Variants in APBA2 observed in about 807,000 individuals in gnomAD.
The protein encoded by APBA2 is amyloid-beta A4 precursor protein-binding family A member 2.
In APBA2, 30 loss-of-function variants were observed where a neutral mutation model predicts 75.0. The ratio of observed to expected loss-of-function variants is 0.40; its 90% CI spans 0.30 to 0.54. The LOEUF (loss-of-function observed/expected upper bound fraction) is 0.54, where lower values mean the gene tolerates loss of function less well. APBA2 is among the 20% of genes least tolerant of loss of function. The pLI, the probability that APBA2 is intolerant of heterozygous loss-of-function variation, is 0.49. For missense variants in APBA2, 801 were observed against 1,016.1 expected (o/e 0.79, Z 2.88); for synonymous variants, 444 against 409.6 (o/e 1.08, Z -1.01).
intron 2 of APBA2, among the ~76,000 whole-genome samples, chr15:28,951,881 C>CTTTTTTTTTTTTTTTTTTTT (rs71414600): frequency 9.1e-6 from 1 of 109,822 alleles, no homozygotes; most frequent in African/African-American, 3.8e-5. Context: ...TGCACTCAGC[C>CTTTTTTTTTTTTTTTTTTTT]TTTTTTTTTT....
intron 3 of APBA2, among the ~76,000 whole-genome samples, chr15:29,010,712 T>G (rs557493519): frequency 1.3e-5 from 2 of 152,360 alleles, no homozygotes; most frequent in Non-Finnish European, 2.9e-5. Context: ...GTGCCCTGTT[T>G]AGGAAATCTA....
At chr15:29,000,084 T>C (rs1477852146) in intron 3 of APBA2, among the ~76,000 whole-genome samples, 1 of 152,180 alleles carries the variant, frequency 6.6e-6, no homozygotes, top group Non-Finnish European at 1.5e-5. Context: ...GGCCGTCTGC[T>C]TTACTCAGTC....
chr15:28,956,039 T>C (rs2036151264), intron 2 of APBA2, among the ~76,000 whole-genome samples: 1 of 152,190 alleles, frequency 6.6e-6, no homozygotes, highest in Non-Finnish European at 1.5e-5. Flanking sequence ...TGTATGCACA[T>C]CACATCCGGT....
chr15:28,987,755 C>CTTCT (rs2038005013), intron 2 of APBA2, among the ~76,000 whole-genome samples: 1 of 92,886 alleles, frequency 1.1e-5, no homozygotes, highest in South Asian at 4.4e-4. Flanking sequence ...TATATATATT[C>CTTCT]TTTTTTTTTT....
At chr15:29,086,104 C>T (rs1007072619) in intron 6 of APBA2, among the ~76,000 whole-genome samples, 10 of 152,206 alleles carry the variant, frequency 6.6e-5, no homozygotes, top group Admixed American at 1.3e-4. Flanking sequence ...TTCTTGTTCT[C>T]TCTTACTTGT....
At chr15:29,043,383 T>C (rs991953181) in intron 3 of APBA2, among the ~76,000 whole-genome samples, 2 of 152,216 alleles carry the variant, frequency 1.3e-5, no homozygotes, top group Admixed American at 1.3e-4. Context: ...TGCTGAGACT[T>C]AACACCCTTC....
chr15:29,075,104 C>T (rs1459771642), intron 5 of APBA2, 103 bp downstream of exon 5: 1 of 910,488 alleles, frequency 1.1e-6, no homozygotes, highest in Non-Finnish European at 1.8e-6. Flanking sequence ...ATGTTCTCAT[C>T]CCACCCGGTG....
rs369914298 is a variant in APBA2, at chr15:29,017,829, G to T, written c.-41+22023G>T. Among the ~76,000 whole-genome samples, 15 of 151,998 alleles carry T rather than the reference G, an allele frequency of 9.9e-5. No homozygotes were observed. In the South Asian group the frequency reaches 3.1e-3, roughly 32 times the overall value. ...TAGCACTGTATCTTTGTGTTTCTGC[G>T]GCAATATCTTCTTCTATTTATTTAA... is the stretch of plus-strand genomic sequence containing the variant. On this transcript the variant is annotated intron_variant, in intron 3 of 14. Transcript: ENST00000683413.
At chr15:29,067,095 A>G (rs1230440024) in intron 4 of APBA2, among the ~76,000 whole-genome samples, 1 of 146,310 alleles carries the variant, frequency 6.8e-6, no homozygotes, top group African/African-American at 2.8e-5. Context: ...CTTTTAAACA[A>G]CCAGTTCTCT....
intron 2 of APBA2, among the ~76,000 whole-genome samples, chr15:28,937,695 C>T (rs756783193): frequency 1.1e-4 from 16 of 151,662 alleles, no homozygotes; most frequent in East Asian, 1.9e-4. Flanking sequence ...CTCACTCTGT[C>T]GCCCAGGCTG....
chr15:29,039,141 G>A (rs1402247981), intron 3 of APBA2, among the ~76,000 whole-genome samples: 1 of 149,474 alleles, frequency 6.7e-6, no homozygotes, highest in Non-Finnish European at 1.5e-5. Flanking sequence ...GTGTGTGTGT[G>A]TGTGTGTGTG....
At position 29,105,360 on chromosome 15, in the gene APBA2, TG is replaced by T. The variant is rs751106871; in HGVS notation, c.1525-17del. 5.6e-6 allele frequency: 9 copies of T among 1,607,310 alleles called. No homozygotes were observed. The Admixed American group carries it at 1.5e-4, about 27-fold the overall frequency. On this transcript the variant is annotated intron_variant, in intron 10 of 14. Transcript: ENST00000683413. ...CCTGTGCCACGTGCCTGTCTCCAGC[TG>T]GCCTGCCCTCTGCACAGGCCCAGCT...
At chr15:29,011,803 G>T (rs1317402864) in intron 3 of APBA2, among the ~76,000 whole-genome samples, 1 of 151,960 alleles carries the variant, frequency 6.6e-6, no homozygotes, top group East Asian at 1.9e-4. Context: ...TTATAGTCCT[G>T]TCAATTCTCC....
At chr15:29,087,646 C>T (rs535957300) in intron 6 of APBA2, among the ~76,000 whole-genome samples, 94 of 152,316 alleles carry the variant, frequency 6.2e-4, no homozygotes, top group African/African-American at 2.2e-3. Context: ...ACTGGAGAGT[C>T]GGGCCTGGAG....
At chr15:29,096,740 A>G (rs1324801934) in intron 8 of APBA2, among the ~76,000 whole-genome samples, 1 of 152,198 alleles carries the variant, frequency 6.6e-6, no homozygotes, top group African/African-American at 2.4e-5. Flanking sequence ...TTCTTATTTC[A>G]GATTTTCTAG....
chr15:28,898,016 A>G (rs1206067593), intron 1 of APBA2, among the ~76,000 whole-genome samples: 1 of 152,194 alleles, frequency 6.6e-6, no homozygotes, highest in East Asian at 1.9e-4. Flanking sequence ...AGATGTGACC[A>G]AGGAGGCGGA....
At chr15:29,001,980 C>T (rs895241052) in intron 3 of APBA2, among the ~76,000 whole-genome samples, 2 of 152,160 alleles carry the variant, frequency 1.3e-5, no homozygotes, top group Admixed American at 6.5e-5. Context: ...TGCAAGCTGG[C>T]ATTCTCAAAC....
At chr15:28,926,896 G>A (rs1456999616) in intron 2 of APBA2, among the ~76,000 whole-genome samples, 5 of 126,580 alleles carry the variant, frequency 4.0e-5, no homozygotes, top group Admixed American at 8.9e-5. Flanking sequence ...TCGCTCTGTT[G>A]CCCAGGCTGG....
At position 28,889,349 on chromosome 15, in the gene APBA2, A is replaced by C. The variant is rs149859475; in HGVS notation, c.-205+3071A>C. ...CTGGTGGGGTGCCACTGCTGTGTGC[A>C]TTGTGATTTCTGTGCTGGCTGTGAG... On this transcript the variant is annotated intron_variant, in intron 1 of 14. Coordinates refer to ENST00000683413, the MANE Select transcript of APBA2 (RefSeq NM_001353788.2). 5.4e-3 allele frequency among the ~76,000 whole-genome samples: 824 copies of C among 152,272 alleles called. 11 individuals are homozygous for C. Among genetic ancestry groups the C allele is most frequent in the Non-Finnish European group, 8.4e-3 (572 of 68,006 alleles).
Sources: allele counts gnomAD v4.1 joint callset (sites outside exome capture counted in the v4.1 genomes callset), GRCh38; gene constraint gnomAD v4.1.1; transcripts MANE v1.5; gene names NCBI Gene and HGNC (gene_info 2026-07-23, HGNC 2026-07-21).